The following GALNT17 variants were observed in gnomAD, a reference collection of about 807,000 sequenced individuals.
The protein encoded by GALNT17 is polypeptide N-acetylgalactosaminyltransferase 17, also known as UDP-GalNAc:polypeptide N-acetylgalactosaminyltransferase-like 3.
GALNT17 carries 29 observed loss-of-function variants against 63.7 expected under a neutral mutation model. The ratio of observed to expected loss-of-function variants is 0.46; its 90% confidence interval spans 0.34 to 0.62. The LOEUF is 0.62. GALNT17 is among the 20% of genes least tolerant of loss of function. The pLI is 0.01. For synonymous variants in GALNT17, 305 were observed against 318.3 expected (o/e 0.96, Z 0.45); for missense variants, 603 against 799.6 (o/e 0.75, Z 2.97).
At chr7:71,476,291 A>G (rs1164468822) in intron 5 of GALNT17, among the ~76,000 whole-genome samples, 1 of 152,208 alleles carries the variant, frequency 6.6e-6, no homozygotes, top group South Asian at 2.1e-4. Context: ...GGTGTCAGTG[A>G]TAGGCTTGGG....
chr7:71,562,876 T>G (rs1005726291), intron 5 of GALNT17, among the ~76,000 whole-genome samples: 3 of 152,074 alleles, frequency 2.0e-5, no homozygotes, highest in Admixed American at 6.5e-5. Flanking sequence ...TGTACTTAAT[T>G]CAGAAGGGAA....
chr7:71,594,793 C>T (rs1367250841), intron 6 of GALNT17, among the ~76,000 whole-genome samples: 1 of 152,154 alleles, frequency 6.6e-6, no homozygotes, highest in Non-Finnish European at 1.5e-5. Flanking sequence ...TAACTGTAAT[C>T]ATTTTATTAT....
intron 1 of GALNT17, among the ~76,000 whole-genome samples, chr7:71,318,342 T>C (rs1172452560): frequency 3.9e-5 from 6 of 152,130 alleles, no homozygotes; most frequent in Admixed American, 3.9e-4. Context: ...ACATTCTTGC[T>C]TATAGCCTCA....
chr7:71,613,338 C>T (rs141787983), intron 6 of GALNT17, among the ~76,000 whole-genome samples: 4 of 152,226 alleles, frequency 2.6e-5, no homozygotes, highest in African/African-American at 9.6e-5. Flanking sequence ...CTCTTTTTCC[C>T]CCAGCATTAA....
chr7:71,305,650 A>G (rs1791277216), intron 1 of GALNT17, among the ~76,000 whole-genome samples: 1 of 152,194 alleles, frequency 6.6e-6, no homozygotes, highest in Admixed American at 6.5e-5. Flanking sequence ...GGGCCCCTCC[A>G]GGAAGTTGTC....
intron 4 of GALNT17, among the ~76,000 whole-genome samples, chr7:71,419,686 A>T (rs1372223494): frequency 6.6e-6 from 1 of 151,956 alleles, no homozygotes; most frequent in Non-Finnish European, 1.5e-5. Flanking sequence ...GAGGTAGGAG[A>T]GATGGTACTT....
intron 1 of GALNT17, among the ~76,000 whole-genome samples, chr7:71,258,991 G>C (rs1020337606): frequency 2.0e-5 from 3 of 152,178 alleles, no homozygotes; most frequent in African/African-American, 4.8e-5. Flanking sequence ...CAGGGTATGT[G>C]TATATGGGGG....
chr7:71,299,201 G>T (rs958210895), intron 1 of GALNT17, among the ~76,000 whole-genome samples: 1 of 152,154 alleles, frequency 6.6e-6, no homozygotes, highest in Non-Finnish European at 1.5e-5. Flanking sequence ...CTGGTGGCCC[G>T]CCTTGACCCC....
intron 5 of GALNT17, among the ~76,000 whole-genome samples, chr7:71,547,998 C>T (rs766156684): frequency 1.1e-4 from 17 of 151,968 alleles, no homozygotes; most frequent in African/African-American, 3.9e-4. Flanking sequence ...GAGGGCAAGG[C>T]GGGTGGATTG....
intron 5 of GALNT17, among the ~76,000 whole-genome samples, chr7:71,456,743 ATTTCAACCATTTTAGAAAGTT>A (rs1470747998): frequency 6.6e-6 from 1 of 152,178 alleles, no homozygotes; most frequent in East Asian, 1.9e-4. Context: ...TCTGAGACAG[ATTTCAACCATTTTAGAAAGTT>A]TATTTTGCGA....
chr7:71,444,609 G>A (rs191958866), intron 5 of GALNT17, among the ~76,000 whole-genome samples: 234 of 152,304 alleles, frequency 1.5e-3, no homozygotes, highest in Middle Eastern at 3.4e-3. Context: ...GCCGAGGCAG[G>A]TAGATCACTT....
rs908490084 is a variant in GALNT17 at position 71,281,437 on chromosome 7, G to A, written c.239-54113G>A. On this transcript the variant is annotated intron_variant, in intron 1 of 10. Coordinates refer to ENST00000333538, the MANE Select transcript of GALNT17 (RefSeq NM_022479.3). ...GAAAATAGCCCATTTCCTGGAATCT[G>A]CAAACATCCAGATGCATGAGCCAGA... is the stretch of plus-strand genomic sequence containing the variant. Among the ~76,000 whole-genome samples, 7 of 152,296 alleles carry A rather than the reference G, an allele frequency of 4.6e-5. No individual in the cohort carries two copies. The South Asian group carries it at 1.5e-3, about 32-fold the overall frequency.
intron 5 of GALNT17, among the ~76,000 whole-genome samples, chr7:71,447,664 A>G (rs1448199195): frequency 1.3e-5 from 2 of 152,110 alleles, no homozygotes; most frequent in East Asian, 1.9e-4. Flanking sequence ...TATTATAACT[A>G]TTTGCATCTG....
intron 5 of GALNT17, among the ~76,000 whole-genome samples, chr7:71,457,333 T>A (rs190047339): frequency 6.6e-6 from 1 of 152,340 alleles, no homozygotes; most frequent in Non-Finnish European, 1.5e-5. Flanking sequence ...GTTCCCAGCG[T>A]GACTTTTCCC....
intron 1 of GALNT17, among the ~76,000 whole-genome samples, chr7:71,223,228 C>A (rs1789619600): frequency 6.6e-6 from 1 of 152,132 alleles, no homozygotes; most frequent in South Asian, 2.1e-4. Flanking sequence ...TTTTAGCATT[C>A]ACTGATGGAC....
At chr7:71,692,141 C>T (rs370790636) in intron 9 of GALNT17, among the ~76,000 whole-genome samples, 21 of 152,222 alleles carry the variant, frequency 1.4e-4, no homozygotes, top group Middle Eastern at 3.4e-3. Flanking sequence ...CCAAGCTGGT[C>T]TCAAACTCCT....
chr7:71,437,590 C>T (rs761909389), intron 5 of GALNT17, among the ~76,000 whole-genome samples: 3 of 152,280 alleles, frequency 2.0e-5, no homozygotes, highest in South Asian at 4.1e-4. Context: ...CAGGGCTCAA[C>T]GAATATGTAA....
At chr7:71,424,677 T>C (rs1786726353) in intron 5 of GALNT17, among the ~76,000 whole-genome samples, 1 of 152,200 alleles carries the variant, frequency 6.6e-6, no homozygotes, top group African/African-American at 2.4e-5. Flanking sequence ...TTGTTAATAG[T>C]TGATGGGGAT....
At chr7:71,694,777 G>C (rs139718639) in intron 9 of GALNT17, among the ~76,000 whole-genome samples, 72 of 152,344 alleles carry the variant, frequency 4.7e-4, no homozygotes, top group African/African-American at 1.6e-3. Flanking sequence ...TCATTAAGTA[G>C]CAGAGCCTGG....
Sources: allele counts gnomAD v4.1 joint callset (sites outside exome capture counted in the v4.1 genomes callset), GRCh38; gene constraint gnomAD v4.1.1; transcripts MANE v1.5; gene names NCBI Gene and HGNC (gene_info 2026-07-23, HGNC 2026-07-21).